Variants in CORO2A observed in about 807,000 individuals in gnomAD.
The protein encoded by CORO2A is coronin 2A.
A neutral mutation model predicts 62.4 loss-of-function variants in CORO2A; 47 were observed. That is an observed-to-expected ratio of 0.75 (90% CI 0.60 to 0.96). The LOEUF (loss-of-function observed/expected upper bound fraction) is 0.96, where lower values mean the gene tolerates loss of function less well. CORO2A is among the 40% of genes least tolerant of loss of function. The pLI is 0.00. For missense variants in CORO2A, 610 were observed against 684.1 expected, an observed-to-expected ratio of 0.89 and a Z score of 1.21; for synonymous variants, 273 against 268.9, an observed-to-expected ratio of 1.02 and a Z score of -0.15.
rs750817514 is a variant in CORO2A at position 98,124,837 on chromosome 9, C to T, written c.1515G>A (p.Glu505=). ...CCAGTTCCAACTGTTTGGCCTGGAC[C>T]TCTCGCTGGGTCAACAGCTCCCGGA... is the stretch of plus-strand genomic sequence containing the variant. The part of the protein sequence containing the change: ...RRLRELLTQR[E]VQAKQLELEI... Residue 505 remains glutamate, a synonymous_variant, in exon 12 of 12, where the codon GAG becomes GAA. Coordinates refer to ENST00000375077, the MANE Select transcript of CORO2A (RefSeq NM_052820.4). The T allele has an allele frequency of 1.0e-5, 16 of 1,606,098 alleles. No individual in the cohort carries two copies. Among genetic ancestry groups the T allele is most frequent in the Non-Finnish European group, 1.4e-5 (16 of 1,175,684 alleles).
At chr9:98,167,444 G>T (rs1158067783) in intron 1 of CORO2A, among the ~76,000 whole-genome samples, 1 of 152,210 alleles carries the variant, frequency 6.6e-6, no homozygotes. Context: ...ACTTAAGAAT[G>T]ATTTAGATGG....
chr9:98,185,787 T>C (rs1309872038), intron 1 of CORO2A, among the ~76,000 whole-genome samples: 2 of 152,214 alleles, frequency 1.3e-5, no homozygotes, highest in Non-Finnish European at 2.9e-5. Flanking sequence ...GATGCCATTT[T>C]GCAGGTGGGC....
At chr9:98,132,355 C>A in intron 5 of CORO2A, 54 bp from the exon 6 acceptor site, 1 of 1,457,204 alleles carries the variant, frequency 6.9e-7, no homozygotes. Context: ...TCGGGGGCAG[C>A]TGGGGTTTCT....
rs780280366 is a variant in CORO2A, at chr9:98,128,683, CAGG to C, written c.1001_1003del (p.Ser334del). 5.0e-6 allele frequency: 8 copies of C among 1,614,070 alleles called. No individual in the cohort carries two copies. Among genetic ancestry groups the C allele is most frequent in the African/African-American group, 1.3e-5 (1 of 74,920 alleles). ...CAGCTTGTAGAAGCGGAAGATCTCG[CAGG>C]AGGACACGTCGAGTCCTCTCTTTGG... On this transcript the variant is annotated inframe_deletion, in exon 9 of 12. Transcript: ENST00000375077.
At chr9:98,187,184 G>A (rs1037294714) in intron 1 of CORO2A, among the ~76,000 whole-genome samples, 20 of 151,218 alleles carry the variant, frequency 1.3e-4, no homozygotes, top group Non-Finnish European at 2.8e-4. Context: ...TGGGGAGGCT[G>A]AGGCAGGGGA....
rs562999111 is a variant in CORO2A, at chr9:98,142,608, C to G, written c.202-4920G>C. Among the ~76,000 whole-genome samples, 4 of 152,384 alleles carry G rather than the reference C, an allele frequency of 2.6e-5. No individual in the cohort carries two copies. In the South Asian group the frequency reaches 8.3e-4, roughly 32 times the overall value. On this transcript the variant is annotated intron_variant, in intron 2 of 11. Coordinates refer to ENST00000375077, the MANE Select transcript of CORO2A (RefSeq NM_052820.4). ...AAAGCCAGATGAGCCAATAGTCAGG[C>G]TGCCCTCGGGCTGACGGGAGGCAAA...
intron 1 of CORO2A, among the ~76,000 whole-genome samples, chr9:98,188,255 C>G (rs896985866): frequency 6.6e-6 from 1 of 152,222 alleles, no homozygotes; most frequent in Non-Finnish European, 1.5e-5. Flanking sequence ...CCAGCCCACC[C>G]TAGTTAAAAC....
At chr9:98,172,570 T>C (rs1487083154) in intron 1 of CORO2A, 1 of 152,224 alleles carries the variant, frequency 6.6e-6, no homozygotes. Context: ...ACCCCACTTC[T>C]GAGCTCGACC....
chr9:98,166,523 C>T (rs1368696558), intron 1 of CORO2A, among the ~76,000 whole-genome samples: 1 of 152,162 alleles, frequency 6.6e-6, no homozygotes, highest in African/African-American at 2.4e-5. Context: ...AACAAGCAAG[C>T]AAACAATTTG....
chr9:98,121,595 G>C lies in CORO2A; in HGVS notation c.*3179C>G, dbSNP rs1311650551. 1 of 152,190 alleles carries C rather than the reference G, an allele frequency of 6.6e-6. No individual in the cohort carries two copies. Among genetic ancestry groups the C allele is most frequent in the Non-Finnish European group, 1.5e-5 (1 of 68,044 alleles). The allele number at this position is 152,190 out of a possible 1,614,324, so 9.4% of individuals were successfully genotyped here. A position where few individuals can be genotyped will look rare whatever the true frequency, so the allele number is the denominator to read the frequency against. ...TGTGCAGTCTGGGTCCCTTGGGGTGGAGGGAGCTGGCCAAGGAATGGCATT... is the reference window on the plus strand; with the variant it reads ...TGTGCAGTCTGGGTCCCTTGGGGTGCAGGGAGCTGGCCAAGGAATGGCATT... On this transcript the variant is annotated 3_prime_UTR_variant, in exon 12 of 12. Coordinates refer to ENST00000375077, the MANE Select transcript of CORO2A (RefSeq NM_052820.4).
Position 98,156,049 on chromosome 9 carries a change from A to AT in CORO2A, c.201+1410dup, listed in dbSNP as rs56931336. On this transcript the variant is annotated intron_variant, in intron 2 of 11. Transcript: ENST00000375077. ...GTTTATTCTGCTGCTCTTTGTTTGA[A>AT]TTTTTTTTTTTTTTTTTTTGAGACA... Among the ~76,000 whole-genome samples the AT allele has an allele frequency of 1.3e-4, 16 of 119,040 alleles. 1 individual carries two copies. The highest frequency in any genetic ancestry group is 2.4e-4 in the Non-Finnish European group (14 of 58,020). The allele number at this position is 119,040 out of a possible 152,430, so 78.1% of individuals were successfully genotyped here.
intron 2 of CORO2A, among the ~76,000 whole-genome samples, chr9:98,149,719 C>T (rs899409162): frequency 6.6e-6 from 1 of 152,192 alleles, no homozygotes. Context: ...GGCCCCACCT[C>T]CAACACTGGG....
At chr9:98,181,136 C>T (rs1588015758) in intron 1 of CORO2A, among the ~76,000 whole-genome samples, 2 of 151,506 alleles carry the variant, frequency 1.3e-5, no homozygotes, top group African/African-American at 2.4e-5. Context: ...GGAAGGAGGC[C>T]CCAGTGGGGT....
intron 1 of CORO2A, among the ~76,000 whole-genome samples, chr9:98,188,019 G>A (rs1224218354): frequency 6.6e-6 from 1 of 152,204 alleles, no homozygotes; most frequent in East Asian, 1.9e-4. Context: ...TTATGAGCAT[G>A]GTGGGGTACA....
chr9:98,125,947 G>A (rs1242677803), intron 11 of CORO2A, among the ~76,000 whole-genome samples: 1 of 151,292 alleles, frequency 6.6e-6, no homozygotes, highest in Non-Finnish European at 1.5e-5. Flanking sequence ...CAAACTTCTG[G>A]CCTCAAGAGA....
chr9:98,137,972 A>G (rs1827511713), intron 2 of CORO2A, among the ~76,000 whole-genome samples: 1 of 152,208 alleles, frequency 6.6e-6, no homozygotes, highest in South Asian at 2.1e-4. Context: ...CACATGGCAG[A>G]TGTTCAATAA....
chr9:98,128,779 C>T, intron 8 of CORO2A, 60 bp from the exon 9 acceptor site: 5 of 1,421,966 alleles, frequency 3.5e-6, no homozygotes, highest in Non-Finnish European at 5.0e-6. Flanking sequence ...AGTGTTAGGG[C>T]CAAAGCCAGG....
rs768810686 is a variant in CORO2A at position 98,132,206 on chromosome 9, C to T, written c.744G>A (p.Arg248=). The change falls in exon 6 of 12, where the codon CGG becomes CGA. Residue 248 remains arginine, a synonymous_variant. Transcript: ENST00000375077. ...TCACCTGGTCCCACAAGGCCACCTG[C>T]CGGTTGTTCCATCGGGATGTGCCTG... ...MSTGTSRWNN[R]QVALWDQDNL... 3.5e-5 allele frequency: 57 copies of T among 1,614,120 alleles called. No individual in the cohort carries two copies. Among genetic ancestry groups the T allele is most frequent in the Non-Finnish European group, 4.7e-5 (56 of 1,179,976 alleles).
chr9:98,127,571 G>A (rs1211880879), intron 10 of CORO2A, among the ~76,000 whole-genome samples: 1 of 152,166 alleles, frequency 6.6e-6, no homozygotes, highest in African/African-American at 2.4e-5. Context: ...CAGCACTTCG[G>A]GAGGCCGAGG....
Sources: allele counts gnomAD v4.1 joint callset (sites outside exome capture counted in the v4.1 genomes callset), GRCh38; gene constraint gnomAD v4.1.1; transcripts MANE v1.5; gene names NCBI Gene and HGNC (gene_info 2026-07-23, HGNC 2026-07-21).